ZNF69: variants seen among roughly 807,000 people sequenced by gnomAD.
ZNF69 encodes the protein ZNF3.
Under a neutral mutation model 50.9 loss-of-function variants are expected in ZNF69, and 47 were observed. That is an observed-to-expected ratio of 0.92 (90% CI 0.73 to 1.18). The LOEUF (loss-of-function observed/expected upper bound fraction) is 1.18, where lower values mean the gene tolerates loss of function less well. Ranked by LOEUF, ZNF69 falls within the 50% of genes most tolerant of loss-of-function variation. The pLI, the probability that ZNF69 is intolerant of heterozygous loss-of-function variation, is 0.00. For missense variants in ZNF69, 717 were observed against 675.1 expected, an observed-to-expected ratio of 1.06 and a Z score of -0.69; for synonymous variants, 216 against 223.1, an observed-to-expected ratio of 0.97 and a Z score of 0.29.
chr19:11,914,141 C>T (rs1972498374), exon 5 of ZNF69: 1 of 152,150 alleles, frequency 6.6e-6, no homozygotes, highest in Non-Finnish European at 1.5e-5. Flanking sequence ...TATGATCAAA[C>T]CCCGTCTCTA....
At chr19:11,978,577 A>G in the ZNF69 span, 2 of 1,614,222 alleles carry the variant, frequency 1.2e-6, no homozygotes, top group African/African-American at 2.7e-5. Flanking sequence ...TATCTTATCC[A>G]TGAAAGAACT....
the ZNF69 span, chr19:11,980,051 G>A: frequency 9.2e-7 from 1 of 1,091,834 alleles, no homozygotes; most frequent in Non-Finnish European, 1.4e-6. Flanking sequence ...GACTCACACT[G>A]GAGAGAAACC....
At chr19:11,962,093 C>T in the ZNF69 span, among the ~76,000 whole-genome samples, 3 of 152,094 alleles carry the variant, frequency 2.0e-5, no homozygotes, top group South Asian at 2.1e-4. Flanking sequence ...GGGATTAAGG[C>T]GTAAGAAACT....
chr19:11,933,168 A>G, the ZNF69 span, among the ~76,000 whole-genome samples: 1 of 147,018 alleles, frequency 6.8e-6, no homozygotes, highest in South Asian at 2.1e-4. Flanking sequence ...CTGTAATTCT[A>G]CCACTTAGAG....
downstream of ZNF69, among the ~76,000 whole-genome samples, chr19:11,908,919 C>G (rs1006953367): frequency 6.6e-6 from 1 of 151,666 alleles, no homozygotes; most frequent in Non-Finnish European, 1.5e-5. Flanking sequence ...ATTGATAGAC[C>G]GCCAGCAAGA....
chr19:11,918,884 T>C (rs568668808), downstream of ZNF69, among the ~76,000 whole-genome samples: 5 of 152,156 alleles, frequency 3.3e-5, no homozygotes, highest in African/African-American at 1.2e-4. Flanking sequence ...ATTTTCATTA[T>C]GATTACTTGT....
At chr19:11,918,321 C>T (rs575543142), downstream of ZNF69, among the ~76,000 whole-genome samples, 11 of 152,264 alleles carry the variant, frequency 7.2e-5, no homozygotes, top group South Asian at 1.9e-3. Flanking sequence ...ACTCACTTTT[C>T]GTCGCCCATT....
chr19:11,965,913 C>A, the ZNF69 span, among the ~76,000 whole-genome samples: 19,173 of 151,970 alleles, frequency 0.13, 2,244 homozygotes, highest in African/African-American at 0.31. Flanking sequence ...AGGGCGGGAC[C>A]TGTGGAAGGG....
At chr19:11,907,581 A>G (rs888899188), downstream of ZNF69, among the ~76,000 whole-genome samples, 3 of 152,234 alleles carry the variant, frequency 2.0e-5, no homozygotes, top group Non-Finnish European at 2.9e-5. Context: ...ACTAAGCTTC[A>G]TAAGTGAAGG....
the ZNF69 span, chr19:11,965,349 C>T: frequency 8.5e-7 from 1 of 1,183,070 alleles, no homozygotes; most frequent in South Asian, 1.4e-5. Flanking sequence ...CTGCTCGGCC[C>T]TCGGTCCCCT....
At chr19:11,959,283 A>C in the ZNF69 span, among the ~76,000 whole-genome samples, 24 of 152,218 alleles carry the variant, frequency 1.6e-4, no homozygotes, top group Admixed American at 5.2e-4. Context: ...AGAAGGAAAT[A>C]GTTTTTTAAT....
chr19:11,920,566 G>A, the ZNF69 span, among the ~76,000 whole-genome samples: 1 of 152,112 alleles, frequency 6.6e-6, no homozygotes, highest in African/African-American at 2.4e-5. Flanking sequence ...ATTAAGGCAT[G>A]GGAAACTGTG....
chr19:11,928,283 C>T, the ZNF69 span, among the ~76,000 whole-genome samples: 1 of 152,188 alleles, frequency 6.6e-6, no homozygotes, highest in Non-Finnish European at 1.5e-5. Context: ...TCAGCCACTG[C>T]ACCTGGCTAA....
downstream of ZNF69, among the ~76,000 whole-genome samples, chr19:11,916,340 C>T (rs1011121995): frequency 1.3e-5 from 2 of 151,994 alleles, no homozygotes; most frequent in Admixed American, 1.3e-4. Flanking sequence ...GGCCGCTGGG[C>T]AGATTGGCTC....
the ZNF69 span, chr19:11,949,494 A>C: frequency 4.3e-6 from 7 of 1,612,330 alleles, no homozygotes; most frequent in Non-Finnish European, 5.9e-6. Flanking sequence ...AGCACCTTCA[A>C]ATTCATGAAA....
intron 4 of ZNF69, among the ~76,000 whole-genome samples, chr19:11,913,096 C>T (rs1380802370): frequency 6.6e-6 from 1 of 151,784 alleles, no homozygotes; most frequent in Non-Finnish European, 1.5e-5. Context: ...ACTCGGCAGG[C>T]TGAGGCAGGA....
chr19:11,979,031 A>G, the ZNF69 span: 9 of 1,614,092 alleles, frequency 5.6e-6, 1 homozygote, highest in South Asian at 5.5e-5. Flanking sequence ...AACCTTATGA[A>G]TGTAAGCAGT....
chr19:11,942,219 G>C, the ZNF69 span, among the ~76,000 whole-genome samples: 1 of 150,798 alleles, frequency 6.6e-6, no homozygotes, highest in South Asian at 2.1e-4. Flanking sequence ...GTCCCTGGGG[G>C]TGTGGGCTTT....
the ZNF69 span, chr19:11,948,537 TAAG>T: frequency 1.2e-6 from 2 of 1,610,532 alleles, no homozygotes; most frequent in East Asian, 2.2e-5. Context: ...AACCTAAAAA[TAAG>T]AAAGCCTTCA....
Sources: gnomAD v4.1 joint callset for allele counts (sites outside exome capture counted in the v4.1 genomes callset) on GRCh38, gnomAD v4.1.1 for gene constraint, MANE v1.5 for transcripts, NCBI Gene and HGNC (gene_info 2026-07-23, HGNC 2026-07-21) for gene names.